The following SLC25A46 variants were observed in gnomAD, a reference collection of about 807,000 sequenced individuals.
The protein encoded by SLC25A46 is mitochondrial outer membrane protein SLC25A46.
In SLC25A46, 39 loss-of-function variants were observed where a neutral mutation model predicts 44.6. The ratio of observed to expected loss-of-function variants is 0.87; its 90% confidence interval spans 0.68 to 1.14. The LOEUF (loss-of-function observed/expected upper bound fraction) is 1.14. SLC25A46 is among the 50% of genes most tolerant of loss of function. The pLI is 0.00. For synonymous variants in SLC25A46, 202 were observed against 185.8 expected, an observed-to-expected ratio of 1.09 and a Z score of -0.71; for missense variants, 547 against 522.7, an observed-to-expected ratio of 1.05 and a Z score of -0.45.
upstream of SLC25A46, chr5:110,738,847 C>T (rs1367862924): frequency 1.5e-6 from 1 of 684,086 alleles, no homozygotes. Flanking sequence ...TTCATTAATC[C>T]CACAACCATA....
At position 110,739,329 on chromosome 5, in the gene SLC25A46, C is replaced by T. The variant is rs1438784180; in HGVS notation, c.210C>T (p.Ser70=). The T allele has an allele frequency of 4.5e-6, 7 of 1,565,954 alleles. No individual in the cohort carries two copies. Among genetic ancestry groups the T allele is most frequent in the East Asian group, 2.4e-5 (1 of 42,532 alleles). Residue 70 remains serine (S), a synonymous_variant, in exon 1 of 8, where the codon TCC becomes TCT. Transcript: ENST00000355943. ...CGCCCTACGGCGTGCCCACCACCTC[C>T]ACCCCGTACGAAGGCCCCACGGAGG... ...KSPPYGVPTT[S]TPYEGPTEEP...
chr5:110,755,380 G>T, intron 5 of SLC25A46, 85 bp from the exon 6 acceptor site: 3 of 786,364 alleles, frequency 3.8e-6, no homozygotes, highest in South Asian at 3.3e-5. Flanking sequence ...ATTAGAAGTT[G>T]ATTACTGTTT....
chr5:110,755,556 T>G (rs761891753), intron 6 of SLC25A46, 35 bp downstream of exon 6: 22 of 1,320,934 alleles, frequency 1.7e-5, no homozygotes, highest in Non-Finnish European at 2.2e-5. Context: ...TATTGGGCAT[T>G]TTCACTAATT....
intron 1 of SLC25A46, among the ~76,000 whole-genome samples, chr5:110,741,086 G>T (rs937632773): frequency 7.9e-5 from 12 of 152,224 alleles, no homozygotes; most frequent in Admixed American, 5.9e-4. Flanking sequence ...GCCTTGTTCT[G>T]ATTGAAAGGG....
chr5:110,745,261 T>G (rs935513157), intron 3 of SLC25A46, among the ~76,000 whole-genome samples: 10 of 151,650 alleles, frequency 6.6e-5, no homozygotes, highest in East Asian at 5.8e-4. Flanking sequence ...ACTTTTTTTT[T>G]TTGTTTGTTT....
Position 110,742,044 on chromosome 5 carries a change from T to G in SLC25A46, c.284-3T>G, listed in dbSNP as rs770457308. The G allele has an allele frequency of 6.4e-7, 1 of 1,565,662 alleles. No individual in the cohort carries two copies. Among genetic ancestry groups the G allele is most frequent in the Non-Finnish European group, 8.7e-7 (1 of 1,150,156 alleles). Reference sequence around the variant, plus strand: ...TTTTTATTTCTATTTTTTTTTACTTTAGAACAGCTGAATAGATTTGCTGGA... The same window carrying G: ...TTTTTATTTCTATTTTTTTTTACTTGAGAACAGCTGAATAGATTTGCTGGA... On this transcript the variant is annotated splice_polypyrimidine_tract_variant and splice_region_variant and intron_variant, in intron 1 of 7. Transcript: ENST00000355943.
rs1441287609 is a variant in SLC25A46 at position 110,764,343 on chromosome 5, CAATTT to C, written c.*2562_*2566del. ...GTAGACCTTCCCGAAATGCCATTCT[CAATTT>C]TATTTTATGGGCTCCAAAAAAAATT... On this transcript the variant is annotated 3_prime_UTR_variant, in exon 8 of 8. Transcript: ENST00000355943. 1 of 151,784 alleles carries C rather than the reference CAATTT, an allele frequency of 6.6e-6. No individual in the cohort carries two copies. Among genetic ancestry groups the C allele is most frequent in the African/African-American group, 2.4e-5 (1 of 41,386 alleles). 9.4% of individuals were successfully genotyped at this position (151,784 alleles called of 1,614,324 possible). A position where few individuals can be genotyped will look rare whatever the true frequency, so the allele number is the denominator to read the frequency against.
Position 110,761,132 on chromosome 5 carries a change from TAA to T in SLC25A46, c.679-68_679-67del. On this transcript the variant is annotated intron_variant, in intron 7 of 7. Coordinates refer to ENST00000355943, the MANE Select transcript of SLC25A46 (RefSeq NM_138773.4). This position sits in a 1 kb window ranked among gnomAD's most constrained non-coding sequence, Gnocchi z 5.3. Reference sequence around the variant, plus strand: ...ACTATGTTAGGATTTAAAAGGAACCTAAAAAGAGTCCTTTTTCTGTGGCAAAA... The same window carrying T: ...ACTATGTTAGGATTTAAAAGGAACCTAAAGAGTCCTTTTTCTGTGGCAAAA... 15 of 1,220,558 alleles carry T rather than the reference TAA, an allele frequency of 1.2e-5. No homozygotes were observed. The highest frequency in any genetic ancestry group is 1.7e-5 in the Non-Finnish European group (15 of 862,834). 75.6% of individuals were successfully genotyped at this position (1,220,558 alleles called of 1,614,324 possible). A position where few individuals can be genotyped will look rare whatever the true frequency, so the allele number is the denominator to read the frequency against.
chr5:110,740,337 C>T (rs913127140), intron 1 of SLC25A46, among the ~76,000 whole-genome samples: 17 of 151,954 alleles, frequency 1.1e-4, no homozygotes, highest in Non-Finnish European at 1.6e-4. Flanking sequence ...TAATATTTAA[C>T]TAAGAAGAAC....
intron 5 of SLC25A46, among the ~76,000 whole-genome samples, chr5:110,749,710 A>G (rs535582096): frequency 6.6e-6 from 1 of 152,226 alleles, no homozygotes; most frequent in South Asian, 2.1e-4. Flanking sequence ...GAAGCAGGAT[A>G]CAGGGTTATT....
chr5:110,760,152 C>T (rs1236782768), intron 7 of SLC25A46, among the ~76,000 whole-genome samples: 2 of 152,118 alleles, frequency 1.3e-5, no homozygotes, highest in African/African-American at 4.8e-5. Context: ...CAGTGCTATT[C>T]CCCCAGTTCC....
Position 110,739,231 on chromosome 5 carries a change from G to C in SLC25A46, c.112G>C (p.Asp38His). The change falls in exon 1 of 8, where the codon GAC becomes CAC. Residue 38 changes from aspartate to histidine, a missense_variant. Transcript: ENST00000355943. ...TGCAAGGTCCTTCAGCACCGGGTCG[G>C]ACCTGGGCCACTGGGTGACGACTCC... The part of the protein sequence containing the change: ...FPARSFSTGS[D>H]LGHWVTTPPD... 1 of 1,578,440 alleles carries C rather than the reference G, an allele frequency of 6.3e-7. No individual in the cohort carries two copies. The highest frequency in any genetic ancestry group is 8.6e-7 in the Non-Finnish European group (1 of 1,162,756).
intron 1 of SLC25A46, among the ~76,000 whole-genome samples, chr5:110,740,222 T>C (rs2150406126): frequency 6.6e-6 from 1 of 152,368 alleles, no homozygotes; most frequent in South Asian, 2.1e-4. Flanking sequence ...TACCTCTTTC[T>C]ATTCTTCTGG....
Position 110,746,292 on chromosome 5 carries a change from C to G in SLC25A46, c.408C>G (p.Tyr136Ter). Residue 136 changes from tyrosine (Y) to a stop codon, truncating the protein, a stop_gained, in exon 4 of 8, where the codon TAC becomes TAG. Coordinates refer to ENST00000355943, the MANE Select transcript of SLC25A46 (RefSeq NM_138773.4). LOFTEE classifies it high-confidence loss of function. ...QCQVNYHAQHYHLTPFTVINI... is the reference protein window; with the variant it reads ...QCQVNYHAQH ...AGGTTAATTACCATGCTCAGCATTA[C>G]CATCTCACTCCATTTACAGTCATCA... The G allele has an allele frequency of 6.3e-7, 1 of 1,588,240 alleles. No homozygotes were observed. The highest frequency in any genetic ancestry group is 8.5e-7 in the Non-Finnish European group (1 of 1,171,222).
chr5:110,764,627 T>C lies in SLC25A46; in HGVS notation c.*2845T>C, dbSNP rs1273758609. On this transcript the variant is annotated 3_prime_UTR_variant, in exon 8 of 8. Coordinates refer to ENST00000355943, the MANE Select transcript of SLC25A46 (RefSeq NM_138773.4). ...ATTCACTTTATTGATTGAGTACAAATGCTTTAGTGTTTCTACCTAAGTATT... is the reference window on the plus strand; with the variant it reads ...ATTCACTTTATTGATTGAGTACAAACGCTTTAGTGTTTCTACCTAAGTATT... The C allele has an allele frequency of 6.6e-6, 1 of 151,834 alleles. No individual in the cohort carries two copies. Among genetic ancestry groups the C allele is most frequent in the South Asian group, 2.1e-4 (1 of 4,828 alleles). The allele number at this position is 151,834 out of a possible 1,614,324, so 9.4% of individuals were successfully genotyped here. A position where few individuals can be genotyped will look rare whatever the true frequency, so the allele number is the denominator to read the frequency against.
chr5:110,749,392 A>G (rs990099410), intron 5 of SLC25A46, among the ~76,000 whole-genome samples: 1 of 152,032 alleles, frequency 6.6e-6, no homozygotes, highest in African/African-American at 2.4e-5. Context: ...GCATAAAAGT[A>G]GCAGCTGAAG....
intron 2 of SLC25A46, among the ~76,000 whole-genome samples, chr5:110,742,389 T>C (rs1219266306): frequency 6.6e-6 from 1 of 152,090 alleles, no homozygotes; most frequent in Non-Finnish European, 1.5e-5. Flanking sequence ...TGTAATCTTA[T>C]CTCTCTCCCA....
chr5:110,755,487 C>A lies in SLC25A46; in HGVS notation c.586C>A (p.Pro196Thr). 6.4e-7 allele frequency: 1 copy of A among 1,573,548 alleles called. No individual in the cohort carries two copies. Among genetic ancestry groups the A allele is most frequent in the South Asian group, 1.2e-5 (1 of 83,810 alleles). The change falls in exon 6 of 8, where the codon CCT becomes ACT. Residue 196 changes from proline to threonine, a missense_variant. Pro to Thr is a conservative substitution (Grantham distance 38). Transcript: ENST00000355943. ...TAGGGAGGTTTTACATAAATGGAGT[C>A]CTAAACAAATAGGAGAACACCTTCT... is the stretch of plus-strand genomic sequence containing the variant. ...LPREVLHKWS[P>T]KQIGEHLLLK...
At chr5:110,757,315 C>A (rs1295522525) in intron 7 of SLC25A46, among the ~76,000 whole-genome samples, 1 of 152,136 alleles carries the variant, frequency 6.6e-6, no homozygotes, top group South Asian at 2.1e-4. Flanking sequence ...TTCCTAACCA[C>A]ATGGTGGCGC....
Sources: gnomAD v4.1 joint callset for allele counts (sites outside exome capture counted in the v4.1 genomes callset) on GRCh38, gnomAD v4.1.1 for gene constraint, Gnocchi (gnomAD v3.1) non-coding constraint, MANE v1.5 for transcripts, NCBI Gene and HGNC (gene_info 2026-07-23, HGNC 2026-07-21) for gene names.